XNDC1N: variants seen among roughly 807,000 people sequenced by gnomAD.
XNDC1N encodes the protein protein XNDC1N.
chr11:71,919,605 G>GTTTTTTTT, the XNDC1N span, among the ~76,000 whole-genome samples: 27 of 10,928 alleles, frequency 2.5e-3, 1 homozygote, highest in African/African-American at 3.1e-3. Context: ...GGCCAGGTTG[G>GTTTTTTTT]TTTTTTTTTT....
chr11:71,914,378 G>C, the XNDC1N span: 1 of 456,096 alleles, frequency 2.2e-6, no homozygotes, highest in South Asian at 1.5e-5. Flanking sequence ...ATTAACTGCA[G>C]ATGTGACAGA....
At chr11:71,882,905 A>G in the XNDC1N span, among the ~76,000 whole-genome samples, 1 of 152,240 alleles carries the variant, frequency 6.6e-6, no homozygotes, top group African/African-American at 2.4e-5. Flanking sequence ...GTAAAGTTGC[A>G]GGATAGAAAA....
At chr11:71,868,235 A>C in the XNDC1N span, among the ~76,000 whole-genome samples, 28,605 of 152,134 alleles carry the variant, frequency 0.19, 4,913 homozygotes, top group African/African-American at 0.45. Context: ...TTCTTTATCC[A>C]ACTTGCCACT....
chr11:71,868,065 T>C, the XNDC1N span, among the ~76,000 whole-genome samples: 1 of 152,192 alleles, frequency 6.6e-6, no homozygotes, highest in Non-Finnish European at 1.5e-5. Context: ...ATTTCTATCT[T>C]TGTTGGCTTA....
the XNDC1N span, chr11:71,919,085 C>A: frequency 1.4e-6 from 1 of 692,100 alleles, no homozygotes; most frequent in Admixed American, 2.0e-5. Flanking sequence ...AAAAAGGATG[C>A]CCATGAATGA....
chr11:71,923,073 G>A, the XNDC1N span, among the ~76,000 whole-genome samples: 2 of 152,196 alleles, frequency 1.3e-5, no homozygotes, highest in Admixed American at 1.3e-4. Flanking sequence ...TTCAAACTGG[G>A]CGGAATCCTG....
chr11:71,884,548 A>G, the XNDC1N span: 2 of 1,605,156 alleles, frequency 1.2e-6, no homozygotes, highest in African/African-American at 1.3e-5. Context: ...ATTGATGGAC[A>G]AAAGAAGTGG....
chr11:71,925,679 A>G, the XNDC1N span, among the ~76,000 whole-genome samples: 6 of 152,288 alleles, frequency 3.9e-5, no homozygotes, highest in East Asian at 1.2e-3. Flanking sequence ...CTGTAATCCC[A>G]GCACTTTGGG....
the XNDC1N span, among the ~76,000 whole-genome samples, chr11:71,909,055 T>C: frequency 0.1 from 15,925 of 152,086 alleles, 1,681 homozygotes; most frequent in African/African-American, 0.27. Context: ...CTGTGTGAGG[T>C]CTATCGTATG....
At chr11:71,887,205 G>C in the XNDC1N span, among the ~76,000 whole-genome samples, 991 of 147,188 alleles carry the variant, frequency 6.7e-3, 3 homozygotes, top group African/African-American at 0.016. Context: ...CGGTCGCCCG[G>C]TTATCCAAAA....
chr11:71,914,996 T>G, the XNDC1N span, among the ~76,000 whole-genome samples: 1 of 152,192 alleles, frequency 6.6e-6, no homozygotes, highest in African/African-American at 2.4e-5. Flanking sequence ...TATCACATGC[T>G]ACAGAGAACT....
chr11:71,872,106 G>C, the XNDC1N span, among the ~76,000 whole-genome samples: 21 of 152,118 alleles, frequency 1.4e-4, no homozygotes, highest in African/African-American at 3.9e-4. Flanking sequence ...AATACTAATA[G>C]ATGATACATC....
chr11:71,920,585 G>C, the XNDC1N span, among the ~76,000 whole-genome samples: 2 of 152,100 alleles, frequency 1.3e-5, no homozygotes. Flanking sequence ...GATTACAGGC[G>C]TGAGCCACCG....
chr11:71,891,199 C>A, the XNDC1N span, among the ~76,000 whole-genome samples: 1 of 152,016 alleles, frequency 6.6e-6, no homozygotes, highest in Non-Finnish European at 1.5e-5. Context: ...GGAACAATAT[C>A]ACAGGGTGGT....
the XNDC1N span, among the ~76,000 whole-genome samples, chr11:71,871,295 A>G: frequency 6.6e-6 from 1 of 151,984 alleles, no homozygotes; most frequent in Non-Finnish European, 1.5e-5. Flanking sequence ...CAAATATTAC[A>G]TGTTTCACTT....
chr11:71,910,540 TTGAGGACCTTCTGC>T, the XNDC1N span, among the ~76,000 whole-genome samples: 25 of 152,104 alleles, frequency 1.6e-4, no homozygotes, highest in African/African-American at 5.3e-4. Flanking sequence ...CTCCAGTAGG[TTGAGGACCTTCTGC>T]TGGGACACCC....
At chr11:71,880,756 T>C in the XNDC1N span, among the ~76,000 whole-genome samples, 1 of 152,196 alleles carries the variant, frequency 6.6e-6, no homozygotes. Context: ...TCTTCTGAGT[T>C]TTTTCATTGA....
At chr11:71,891,214 C>A in the XNDC1N span, among the ~76,000 whole-genome samples, 1 of 149,736 alleles carries the variant, frequency 6.7e-6, no homozygotes, top group Non-Finnish European at 1.5e-5. Flanking sequence ...GGTGGTGTAC[C>A]CCCCCTGCGA....
At chr11:71,895,272 A>C in the XNDC1N span, among the ~76,000 whole-genome samples, 2 of 152,050 alleles carry the variant, frequency 1.3e-5, no homozygotes, top group South Asian at 2.1e-4. Flanking sequence ...ACAAATATTT[A>C]TTATGTTGTT....
Sources: allele counts gnomAD v4.1 joint callset (sites outside exome capture counted in the v4.1 genomes callset), GRCh38; gene constraint gnomAD v4.1.1; transcripts MANE v1.5; gene names NCBI Gene and HGNC (gene_info 2026-07-23, HGNC 2026-07-21).